Variants in NOL4 observed in about 807,000 individuals in gnomAD.
The protein encoded by NOL4 is nucleolar protein 4, also known as cancer/testis antigen 125.
Under a neutral mutation model 75.9 loss-of-function variants are expected in NOL4, and 17 were observed. That is an observed-to-expected ratio of 0.22 (90% confidence interval 0.15 to 0.34). NOL4 has a LOEUF of 0.34. Ranked by LOEUF, NOL4 falls within the 10% of genes least tolerant of loss-of-function variation. The pLI, the probability that NOL4 is intolerant of heterozygous loss-of-function variation, is 1.00. For missense variants in NOL4, 614 were observed against 793.5 expected (o/e 0.77, Z 2.72); for synonymous variants, 292 against 289.9 (o/e 1.01, Z -0.07).
rs574018362 is a variant in NOL4 at position 34,034,608 on chromosome 18, G to T, written c.773-15007C>A. On this transcript the variant is annotated intron_variant, in intron 5 of 10. Transcript: ENST00000261592. ...ACAAAAATCAGCTGGGCATAGTGGT[G>T]CACACCGATAGTCCCAGCTACTCAG... Among the ~76,000 whole-genome samples, 12 of 152,162 alleles carry T rather than the reference G, an allele frequency of 7.9e-5. No homozygotes were observed. The East Asian group carries it at 2.3e-3, about 30-fold the overall frequency.
intron 9 of NOL4, 91 bp from the exon 10 acceptor site, chr18:33,883,515 A>C: frequency 1.1e-6 from 1 of 909,078 alleles, no homozygotes; most frequent in Non-Finnish European, 1.5e-6. Context: ...AAATACCTGC[A>C]TTGAATAAGA....
At chr18:33,926,603 T>A (rs929242662) in intron 9 of NOL4, among the ~76,000 whole-genome samples, 4 of 152,142 alleles carry the variant, frequency 2.6e-5, no homozygotes, top group Non-Finnish European at 4.4e-5. Context: ...GATTTTTGTT[T>A]GTTTGTTTGT....
In NOL4 at chr18:33,944,959, A is replaced by G. The variant is rs113209075; in HGVS notation, c.1429-1781T>C. ...TGTAGTCCAACTACATGGGAATTAG[A>G]TACTCATTGATATCTTTCTTGATTG... is the stretch of plus-strand genomic sequence containing the variant. On this transcript the variant is annotated intron_variant, in intron 8 of 10. Transcript: ENST00000261592. Among the ~76,000 whole-genome samples the G allele has an allele frequency of 4.6e-3, 693 of 152,038 alleles. 5 individuals are homozygous for G. The highest frequency in any genetic ancestry group is 0.016 in the African/African-American group (671 of 41,520).
chr18:33,885,683 A>C (rs1449171087), intron 9 of NOL4, among the ~76,000 whole-genome samples: 1 of 152,176 alleles, frequency 6.6e-6, no homozygotes, highest in Non-Finnish European at 1.5e-5. Context: ...AATGCTGGTG[A>C]GGGTGTGGGG....
rs567364168 is a variant in NOL4 at position 33,900,158 on chromosome 18, G to T, written c.1543-16734C>A. ...CTGGCTTCTGGAAAGCTTCTGGTGA[G>T]GTCTCAGAAAGCTTTCATTCATCGA... is the stretch of plus-strand genomic sequence containing the variant. On this transcript the variant is annotated intron_variant, in intron 9 of 10. Coordinates refer to ENST00000261592, the MANE Select transcript of NOL4 (RefSeq NM_003787.5). Among the ~76,000 whole-genome samples the T allele has an allele frequency of 4.0e-4, 61 of 152,192 alleles. 1 individual carries two copies. The highest frequency in any genetic ancestry group is 7.2e-4 in the Non-Finnish European group (49 of 68,004).
intron 9 of NOL4, among the ~76,000 whole-genome samples, chr18:33,905,104 T>A (rs2065956392): frequency 6.6e-6 from 1 of 152,156 alleles, no homozygotes; most frequent in Non-Finnish European, 1.5e-5. Context: ...ATATGATAGG[T>A]CATTGCAAGT....
chr18:33,867,320 A>T (rs2063480899), intron 10 of NOL4, among the ~76,000 whole-genome samples: 1 of 152,022 alleles, frequency 6.6e-6, no homozygotes. Context: ...TCATTAGTAA[A>T]TTTTTACTAT....
At chr18:34,189,174 T>A (rs2034725116) in intron 1 of NOL4, among the ~76,000 whole-genome samples, 1 of 152,134 alleles carries the variant, frequency 6.6e-6, no homozygotes, top group Admixed American at 6.6e-5. Flanking sequence ...TTGTGCTGCA[T>A]CATAACATGG....
At position 33,863,382 on chromosome 18, in the gene NOL4, T is replaced by C. The variant is rs143569957; in HGVS notation, c.1724-10347A>G. 7.6e-3 allele frequency among the ~76,000 whole-genome samples: 1,152 copies of C among 152,194 alleles called. 19 individuals are homozygous for C. The highest frequency in any genetic ancestry group is 0.026 in the African/African-American group (1,094 of 41,518). ...CACATGTATACATATGTAACTAACC[T>C]GCACATTGTGCATATGTACCCTAAA... On this transcript the variant is annotated intron_variant, in intron 10 of 10. Transcript: ENST00000261592.
At chr18:34,058,456 T>G (rs2145087159) in intron 5 of NOL4, among the ~76,000 whole-genome samples, 1 of 152,248 alleles carries the variant, frequency 6.6e-6, no homozygotes, top group South Asian at 2.1e-4. Flanking sequence ...ACTCTTTGTT[T>G]TTGCCCCTGC....
chr18:33,940,537 G>A (rs970446657), intron 9 of NOL4, among the ~76,000 whole-genome samples: 21 of 151,950 alleles, frequency 1.4e-4, no homozygotes, highest in East Asian at 2.0e-4. Flanking sequence ...ATCACACACC[G>A]GGGCCTGTCG....
chr18:34,148,128 ATCTG>A (rs963442474), intron 1 of NOL4, among the ~76,000 whole-genome samples: 2 of 151,444 alleles, frequency 1.3e-5, no homozygotes, highest in Non-Finnish European at 3.0e-5. Context: ...CTGGCTAGCG[ATCTG>A]TCTATTTTGT....
intron 5 of NOL4, among the ~76,000 whole-genome samples, chr18:34,088,565 C>A (rs561545057): frequency 2.1e-4 from 32 of 152,176 alleles, no homozygotes; most frequent in African/African-American, 7.7e-4. Context: ...GAACCGCAGC[C>A]ATTGCATAGC....
intron 10 of NOL4, among the ~76,000 whole-genome samples, chr18:33,862,648 C>A (rs1274163450): frequency 6.6e-6 from 1 of 152,174 alleles, no homozygotes; most frequent in Non-Finnish European, 1.5e-5. Flanking sequence ...GACATTTATG[C>A]AGCCAAAAAA....
intron 1 of NOL4, among the ~76,000 whole-genome samples, chr18:34,191,599 G>A (rs547867991): frequency 8.2e-4 from 125 of 152,118 alleles, no homozygotes; most frequent in African/African-American, 2.6e-3. Flanking sequence ...CCGGCTTCAT[G>A]TTTGCTTGCC....
At chr18:34,048,453 T>C in intron 5 of NOL4, 3 of 985,428 alleles carry the variant, frequency 3.0e-6, no homozygotes, top group Non-Finnish European at 2.4e-6. Context: ...AATTCTGCTC[T>C]TCAACTTAAA....
intron 2 of NOL4, among the ~76,000 whole-genome samples, chr18:34,124,593 A>G (rs912292193): frequency 6.6e-6 from 1 of 152,124 alleles, no homozygotes; most frequent in African/African-American, 2.4e-5. Flanking sequence ...ATTAGGTGTG[A>G]TGCCACATTA....
chr18:34,197,995 T>C (rs1257494455), intron 1 of NOL4, among the ~76,000 whole-genome samples: 1 of 151,890 alleles, frequency 6.6e-6, no homozygotes, highest in Non-Finnish European at 1.5e-5. Context: ...GTGAAAGACA[T>C]AAATTTAAAC....
chr18:33,899,550 G>T (rs939091914), intron 9 of NOL4, among the ~76,000 whole-genome samples: 8 of 152,162 alleles, frequency 5.3e-5, no homozygotes, highest in Non-Finnish European at 1.0e-4. Context: ...CCTATCAGCT[G>T]CTGGAGACTT....
Sources: allele counts gnomAD v4.1 joint callset (sites outside exome capture counted in the v4.1 genomes callset), GRCh38; gene constraint gnomAD v4.1.1; transcripts MANE v1.5; gene names NCBI Gene and HGNC (gene_info 2026-07-23, HGNC 2026-07-21).